ADSL: variants seen among roughly 807,000 people sequenced by gnomAD.
ADSL encodes the protein adenylosuccinase.
ADSL carries 44 observed loss-of-function variants against 62.1 expected under a neutral mutation model. The ratio of observed to expected loss-of-function variants is 0.71; its 90% confidence interval spans 0.56 to 0.91. The LOEUF is 0.91. Ranked by LOEUF, ADSL falls within the 40% of genes least tolerant of loss-of-function variation. The pLI is 0.00. For synonymous variants in ADSL, 198 were observed against 220.5 expected (o/e 0.90, Z 0.90); for missense variants, 531 against 627.4 (o/e 0.85, Z 1.64).
intron 2 of ADSL, among the ~76,000 whole-genome samples, chr22:40,385,276 C>G (rs1338666903): frequency 1.3e-5 from 2 of 152,040 alleles, no homozygotes; most frequent in African/African-American, 4.8e-5. Flanking sequence ...GAAGCATGGG[C>G]GCTTTTAAAA....
chr22:40,348,591 G>A lies in ADSL; in HGVS notation c.154-1241G>A, dbSNP rs2044230716. 4 of 398,586 alleles carry A rather than the reference G, an allele frequency of 1.0e-5. No homozygotes were observed. The East Asian group carries it at 1.4e-4, about 14-fold the overall frequency. 24.7% of individuals were successfully genotyped at this position (398,586 alleles called of 1,614,324 possible). On this transcript the variant is annotated intron_variant, in intron 1 of 12. Transcript: ENST00000623063. ...GAGATGGGTCTCACTGTGTTTTCCA[G>A]TGCGGTCTAGAACTTCTGGACTCAA... is the stretch of plus-strand genomic sequence containing the variant.
At chr22:40,359,234 A>G (rs1421745687) in intron 5 of ADSL, 26 bp from the exon 6 acceptor site, 1 of 1,613,328 alleles carries the variant, frequency 6.2e-7, no homozygotes, top group Non-Finnish European at 8.5e-7. Flanking sequence ...ATGGATTATT[A>G]TAAGGATGTG....
At chr22:40,348,676 A>T in intron 1 of ADSL, 1 of 398,466 alleles carries the variant, frequency 2.5e-6, no homozygotes, top group Non-Finnish European at 4.4e-6. Context: ...CTGACTTTTT[A>T]CTTATAAATA....
At chr22:40,361,683 A>C in intron 9 of ADSL, 48 bp downstream of exon 9, 1 of 1,601,754 alleles carries the variant, frequency 6.2e-7, no homozygotes, top group Non-Finnish European at 8.5e-7. Flanking sequence ...TGGAGGTCTG[A>C]AGGAGGGACC....
At chr22:40,360,810 C>T (rs1488110082) in intron 7 of ADSL, among the ~76,000 whole-genome samples, 2 of 151,268 alleles carry the variant, frequency 1.3e-5, no homozygotes, top group Non-Finnish European at 2.9e-5. Flanking sequence ...GCAACCTCCA[C>T]CTCCTGGGTT....
chr22:40,354,978 C>T (rs2044498318), intron 4 of ADSL, among the ~76,000 whole-genome samples: 1 of 152,022 alleles, frequency 6.6e-6, no homozygotes, highest in South Asian at 2.1e-4. Context: ...TTAAATGATG[C>T]TTACAAGATC....
At chr22:40,379,962 C>T (rs2047290953) in intron 2 of ADSL, among the ~76,000 whole-genome samples, 3 of 152,244 alleles carry the variant, frequency 2.0e-5, no homozygotes, top group South Asian at 2.1e-4. Flanking sequence ...CCACCCTCCT[C>T]GGCCTCCTAA....
At chr22:40,362,882 C>A in intron 9 of ADSL, 99 bp from the exon 10 acceptor site, 1 of 1,100,084 alleles carries the variant, frequency 9.1e-7, no homozygotes, top group Non-Finnish European at 1.4e-6. Context: ...AGGAGATTAT[C>A]CAGAGAGTAC....
Position 40,346,534 on chromosome 22 carries a change from A to G in ADSL, c.-25A>G. 1 of 1,594,358 alleles carries G rather than the reference A, an allele frequency of 6.3e-7. No individual in the cohort carries two copies. Among genetic ancestry groups the G allele is most frequent in the Non-Finnish European group, 8.5e-7 (1 of 1,173,682 alleles). On this transcript the variant is annotated 5_prime_UTR_variant, in exon 1 of 13. Transcript: ENST00000623063. Reference sequence around the variant, plus strand: ...CTTCCGCTCTTCCCTGGTCCAGTCCACCCTGGCGGGGTCGCAGGGTTGGGA... The same window carrying G: ...CTTCCGCTCTTCCCTGGTCCAGTCCGCCCTGGCGGGGTCGCAGGGTTGGGA...
At chr22:40,385,343 C>T (rs1415777080) in intron 2 of ADSL, among the ~76,000 whole-genome samples, 1 of 152,112 alleles carries the variant, frequency 6.6e-6, no homozygotes, top group Non-Finnish European at 1.5e-5. Flanking sequence ...TGAGTGGGTA[C>T]AGGGATAGTT....
At chr22:40,385,764 G>C (rs1239509440) in intron 2 of ADSL, among the ~76,000 whole-genome samples, 1 of 152,212 alleles carries the variant, frequency 6.6e-6, no homozygotes, top group Non-Finnish European at 1.5e-5. Flanking sequence ...GATGAATGAA[G>C]GTTGCTGAGC....
intron 4 of ADSL, among the ~76,000 whole-genome samples, chr22:40,358,503 G>A (rs534326889): frequency 1.1e-3 from 175 of 152,298 alleles, no homozygotes; most frequent in African/African-American, 4.1e-3. Flanking sequence ...AGGATCACTT[G>A]AGCTCCAGAG....
intron 4 of ADSL, among the ~76,000 whole-genome samples, chr22:40,357,102 G>T (rs956083944): frequency 1.3e-5 from 2 of 151,942 alleles, no homozygotes; most frequent in Non-Finnish European, 2.9e-5. Flanking sequence ...TACCATGTTG[G>T]CCAGGCTGGT....
intron 7 of ADSL, 152 bp from the exon 8 acceptor site, chr22:40,361,121 A>G (rs1056944829): frequency 8.9e-6 from 7 of 786,208 alleles, no homozygotes; most frequent in South Asian, 6.8e-5. Flanking sequence ...GGAGTAAGAT[A>G]CTCTGCAGGA....
At chr22:40,350,735 C>T (rs370432421) in intron 2 of ADSL, among the ~76,000 whole-genome samples, 10 of 151,904 alleles carry the variant, frequency 6.6e-5, no homozygotes, top group South Asian at 4.1e-4. Flanking sequence ...TCCTGTGTCT[C>T]GGCCTCCCCA....
chr22:40,361,122 C>T (rs926963766), intron 7 of ADSL, 151 bp from the exon 8 acceptor site: 7 of 791,284 alleles, frequency 8.8e-6, no homozygotes, highest in African/African-American at 8.4e-5. Context: ...GAGTAAGATA[C>T]TCTGCAGGAG....
At chr22:40,363,565 GTC>G (rs1315653898) in intron 10 of ADSL, among the ~76,000 whole-genome samples, 1 of 151,980 alleles carries the variant, frequency 6.6e-6, no homozygotes, top group South Asian at 2.1e-4. Flanking sequence ...GTAAAACCCT[GTC>G]TCTACTAAAA....
chr22:40,361,712 T>C (rs2044796638), intron 9 of ADSL, 77 bp downstream of exon 9: 15 of 1,559,860 alleles, frequency 9.6e-6, no homozygotes, highest in Non-Finnish European at 1.3e-5. Context: ...AAAGGACATA[T>C]TTGAGCATCT....
chr22:40,353,619 G>A (rs1882316662), intron 3 of ADSL, among the ~76,000 whole-genome samples: 1 of 138,430 alleles, frequency 7.2e-6, no homozygotes. Flanking sequence ...TTAAAGCATA[G>A]CCTTTTTTTT....
Sources: allele counts gnomAD v4.1 joint callset (sites outside exome capture counted in the v4.1 genomes callset), GRCh38; gene constraint gnomAD v4.1.1; transcripts MANE v1.5; gene names NCBI Gene and HGNC (gene_info 2026-07-23, HGNC 2026-07-21).